Variants in BAIAP2 observed in about 807,000 individuals in gnomAD.
BAIAP2 encodes the protein BAR/IMD domain-containing adapter protein 2.
Under a neutral mutation model 63.0 loss-of-function variants are expected in BAIAP2, and 18 were observed. The ratio of observed to expected loss-of-function variants is 0.29; its 90% confidence interval spans 0.20 to 0.42. The LOEUF (loss-of-function observed/expected upper bound fraction) is 0.42. BAIAP2 is among the 10% of genes least tolerant of loss of function. BAIAP2 has a pLI of 1.00. For missense variants in BAIAP2, 610 were observed against 734.3 expected, an observed-to-expected ratio of 0.83 and a Z score of 1.96; for synonymous variants, 386 against 307.6, an observed-to-expected ratio of 1.25 and a Z score of -2.67.
chr17:81,099,850 T>A, intron 6 of BAIAP2, 78 bp from the exon 7 acceptor site: 1 of 1,515,724 alleles, frequency 6.6e-7, no homozygotes, highest in South Asian at 1.2e-5. Context: ...TTTGACTGAG[T>A]CCGTGGGGCT....
chr17:81,067,170 C>G (rs1423071981), intron 3 of BAIAP2, among the ~76,000 whole-genome samples: 1 of 152,252 alleles, frequency 6.6e-6, no homozygotes, highest in Non-Finnish European at 1.5e-5. Flanking sequence ...TCCCTTCCCC[C>G]CCACACTATT....
chr17:81,108,154 C>T (rs755061007), intron 12 of BAIAP2: 28 of 448,750 alleles, frequency 6.2e-5, no homozygotes, highest in African/African-American at 2.2e-4. Flanking sequence ...GCGGGGGCCT[C>T]GGCTCCCTGG....
intron 1 of BAIAP2, among the ~76,000 whole-genome samples, chr17:81,039,989 G>A (rs750974619): frequency 6.6e-5 from 10 of 152,150 alleles, no homozygotes; most frequent in Non-Finnish European, 1.0e-4. Context: ...GGAGTGGCAG[G>A]TGGTGAGCAG....
In BAIAP2 at chr17:81,116,023, C is replaced by T. The variant is rs1046375198; in HGVS notation, c.*184C>T. ...CTAGGCAGGGCCGGGCAGAGTGGGGCGCAGGCCCCTGAAGGGCGAGACCCA... is the reference window on the plus strand; with the variant it reads ...CTAGGCAGGGCCGGGCAGAGTGGGGTGCAGGCCCCTGAAGGGCGAGACCCA... On this transcript the variant is annotated 3_prime_UTR_variant, in exon 14 of 14. Coordinates refer to ENST00000428708, the MANE Select transcript of BAIAP2 (RefSeq NM_001144888.2). 1.2e-4 allele frequency: 172 copies of T among 1,459,552 alleles called. No homozygotes were observed. In the Middle Eastern group the frequency reaches 1.2e-3, roughly 10 times the overall value. 90.4% of individuals were successfully genotyped at this position (1,459,552 alleles called of 1,614,324 possible). A position where few individuals can be genotyped will look rare whatever the true frequency, so the allele number is the denominator to read the frequency against.
intron 3 of BAIAP2, among the ~76,000 whole-genome samples, chr17:81,081,264 G>A (rs561995448): frequency 1.3e-5 from 2 of 152,316 alleles, no homozygotes; most frequent in East Asian, 3.9e-4. Context: ...AAAGAACGCC[G>A]AGAAGCACGA....
intron 1 of BAIAP2, among the ~76,000 whole-genome samples, chr17:81,045,566 C>T (rs2047691218): frequency 6.6e-6 from 1 of 151,572 alleles, no homozygotes; most frequent in Admixed American, 6.6e-5. Flanking sequence ...GTGCCAAAGA[C>T]ACAAGGAATC....
At chr17:81,074,333 CGT>C (rs1157939074) in intron 3 of BAIAP2, among the ~76,000 whole-genome samples, 7 of 151,174 alleles carry the variant, frequency 4.6e-5, no homozygotes, top group Non-Finnish European at 8.9e-5. Context: ...TGCACGGATA[CGT>C]GTGAGTGTGC....
chr17:81,116,407 T>A lies in BAIAP2; in HGVS notation c.*568T>A. 1.4e-6 allele frequency: 2 copies of A among 1,442,974 alleles called. No homozygotes were observed. The highest frequency in any genetic ancestry group is 1.9e-6 in the Non-Finnish European group (2 of 1,058,492). 89.4% of individuals were successfully genotyped at this position (1,442,974 alleles called of 1,614,324 possible). A position where few individuals can be genotyped will look rare whatever the true frequency, so the allele number is the denominator to read the frequency against. On this transcript the variant is annotated 3_prime_UTR_variant, in exon 14 of 14. Coordinates refer to ENST00000428708, the MANE Select transcript of BAIAP2 (RefSeq NM_001144888.2). ...CCTCGGTGGGGCTCTCCTGGGCCCC[T>A]CACTCCCACTGGCAATGTCACAAGG...
intron 6 of BAIAP2, chr17:81,086,829 A>G (rs1029629177): frequency 3.3e-5 from 16 of 482,544 alleles, no homozygotes; most frequent in Non-Finnish European, 4.9e-5. Flanking sequence ...TTCTTGGCTG[A>G]AGGAGCAGAA....
chr17:81,051,878 T>C (rs2048729519), intron 1 of BAIAP2, among the ~76,000 whole-genome samples: 1 of 152,178 alleles, frequency 6.6e-6, no homozygotes, highest in Admixed American at 6.5e-5. Flanking sequence ...TTAGTAGAGA[T>C]GGGGTCTTAC....
chr17:81,072,662 C>T (rs116037266), intron 3 of BAIAP2, among the ~76,000 whole-genome samples: 1,835 of 152,256 alleles, frequency 0.012, 36 homozygotes, highest in African/African-American at 0.042. Context: ...CAGACACCTG[C>T]GCCCAGAGGC....
intron 3 of BAIAP2, among the ~76,000 whole-genome samples, chr17:81,074,200 A>G (rs905267625): frequency 6.6e-6 from 1 of 152,248 alleles, no homozygotes; most frequent in Non-Finnish European, 1.5e-5. Context: ...ACACAGCTGC[A>G]GTATTGGGGG....
At chr17:81,110,679 G>C (rs566096149) in intron 13 of BAIAP2, among the ~76,000 whole-genome samples, 4 of 152,340 alleles carry the variant, frequency 2.6e-5, no homozygotes, top group African/African-American at 9.6e-5. Context: ...ACTCTGCCCG[G>C]GCTCTGCGGG....
chr17:81,099,861 GC>G, intron 6 of BAIAP2, 66 bp from the exon 7 acceptor site: 1 of 1,566,892 alleles, frequency 6.4e-7, no homozygotes, highest in South Asian at 1.2e-5. Flanking sequence ...CCGTGGGGCT[GC>G]CCCAAACCGG....
Position 81,106,250 on chromosome 17 carries a change from C to A in BAIAP2, c.1337+104C>A, listed in dbSNP as rs2059169862. The A allele has an allele frequency of 2.4e-6, 3 of 1,231,258 alleles. No homozygotes were observed. In the Admixed American group the frequency reaches 6.3e-5, roughly 26 times the overall value. 76.3% of individuals were successfully genotyped at this position (1,231,258 alleles called of 1,614,324 possible). ...GATTGCTCGGCTGGGCTTCCGGCTCCTTGTCTGCTACCGCAGGGCCATCCC... is the reference window on the plus strand; with the variant it reads ...GATTGCTCGGCTGGGCTTCCGGCTCATTGTCTGCTACCGCAGGGCCATCCC... On this transcript the variant is annotated intron_variant, in intron 11 of 13. Transcript: ENST00000428708.
At chr17:81,114,451 C>T (rs1008671894) in intron 13 of BAIAP2, among the ~76,000 whole-genome samples, 1 of 152,078 alleles carries the variant, frequency 6.6e-6, no homozygotes, top group African/African-American at 2.4e-5. Flanking sequence ...CCTACCCAGG[C>T]CCCAGGAAGG....
In BAIAP2 at chr17:81,051,199, CA is replaced by C. The variant is rs577545452; in HGVS notation, c.55-2468del. On this transcript the variant is annotated intron_variant, in intron 1 of 13. Transcript: ENST00000428708. ...CTCCAGCATCCCCGTCCCTTTAGGA[CA>C]GAGGCCTGCGTGGTACGTGCCTCTC... is the stretch of plus-strand genomic sequence containing the variant. Among the ~76,000 whole-genome samples the C allele has an allele frequency of 7.7e-4, 117 of 152,028 alleles. 2 individuals carry two copies. Among genetic ancestry groups the C allele is most frequent in the African/African-American group, 2.4e-3 (101 of 41,464 alleles).
intron 2 of BAIAP2, among the ~76,000 whole-genome samples, chr17:81,054,886 G>A (rs774749034): frequency 4.6e-5 from 7 of 152,120 alleles, no homozygotes; most frequent in South Asian, 2.1e-4. Flanking sequence ...TGTTGGCCCC[G>A]CAGGTGCCCT....
chr17:81,083,421 A>C (rs978674847), intron 3 of BAIAP2: 13 of 152,312 alleles, frequency 8.5e-5, no homozygotes, highest in African/African-American at 3.1e-4. Flanking sequence ...AGTGCCTGGC[A>C]CTGGAAACAG....
Sources: allele counts gnomAD v4.1 joint callset (sites outside exome capture counted in the v4.1 genomes callset), GRCh38; gene constraint gnomAD v4.1.1; transcripts MANE v1.5; gene names NCBI Gene and HGNC (gene_info 2026-07-23, HGNC 2026-07-21).